Variants in LARGE1 observed in about 807,000 individuals in gnomAD.
The protein encoded by LARGE1 is xylosyl- and glucuronyltransferase LARGE1.
Under a neutral mutation model 87.6 loss-of-function variants are expected in LARGE1, and 43 were observed. The observed-to-expected ratio is 0.49, with a 90% CI of 0.38 to 0.63. The LOEUF (loss-of-function observed/expected upper bound fraction) is 0.63, where lower values mean the gene tolerates loss of function less well. LARGE1 is among the 30% of genes least tolerant of loss of function. LARGE1 has a pLI of 0.00. For missense variants in LARGE1, 802 were observed against 1,000.2 expected (o/e 0.80, Z 2.67); for synonymous variants, 434 against 394.6 (o/e 1.10, Z -1.18).
chr22:33,542,412 C>T (rs962026748), intron 6 of LARGE1, among the ~76,000 whole-genome samples: 55 of 151,694 alleles, frequency 3.6e-4, no homozygotes, highest in African/African-American at 1.3e-3. Context: ...TGTTTCATGC[C>T]GGATATAAAC....
At chr22:33,866,232 T>C (rs2064099528) in intron 1 of LARGE1, among the ~76,000 whole-genome samples, 1 of 152,160 alleles carries the variant, frequency 6.6e-6, no homozygotes, top group Admixed American at 6.5e-5. Flanking sequence ...CCTAAAGCAC[T>C]GGGATTATAG....
the LARGE1 span, among the ~76,000 whole-genome samples, chr22:33,101,928 G>A: frequency 3.9e-5 from 6 of 152,294 alleles, no homozygotes; most frequent in East Asian, 5.8e-4. Context: ...ACTGAAAGCA[G>A]TGCTTTTAAA....
At chr22:33,346,740 A>T (rs1490603170) in intron 9 of LARGE1, among the ~76,000 whole-genome samples, 1 of 152,092 alleles carries the variant, frequency 6.6e-6, no homozygotes, top group Non-Finnish European at 1.5e-5. Flanking sequence ...TTCCTAACAG[A>T]ACACTAACTT....
At chr22:33,351,163 C>G (rs964591409) in intron 9 of LARGE1, among the ~76,000 whole-genome samples, 2 of 152,200 alleles carry the variant, frequency 1.3e-5, no homozygotes, top group East Asian at 3.8e-4. Context: ...GTGTCTAGCT[C>G]ATAGCAAGTG....
rs904894596 is a variant in LARGE1 at position 33,804,286 on chromosome 22, G to A, written c.-82-42728C>T. On this transcript the variant is annotated intron_variant, in intron 1 of 14. Coordinates refer to ENST00000397394, the MANE Select transcript of LARGE1 (RefSeq NM_133642.5). ...ATATAATAAATCTCCAACATTGAACGCAGACTTGATCTCTAATAGCCAACG... is the reference window on the plus strand; with the variant it reads ...ATATAATAAATCTCCAACATTGAACACAGACTTGATCTCTAATAGCCAACG... Among the ~76,000 whole-genome samples, 18 of 152,120 alleles carry A rather than the reference G, an allele frequency of 1.2e-4. 1 individual carries two copies. The highest frequency in any genetic ancestry group is 6.2e-4 in the South Asian group (3 of 4,820).
At chr22:33,411,221 A>G (rs2066294802) in intron 7 of LARGE1, among the ~76,000 whole-genome samples, 2 of 152,194 alleles carry the variant, frequency 1.3e-5, no homozygotes, top group Admixed American at 6.5e-5. Flanking sequence ...TGTAAATACT[A>G]AGCCAGGTCA....
At chr22:33,377,944 T>A (rs1399636897) in intron 9 of LARGE1, among the ~76,000 whole-genome samples, 3 of 152,210 alleles carry the variant, frequency 2.0e-5, no homozygotes, top group Admixed American at 6.5e-5. Context: ...TATTCCTTCA[T>A]CCTACTTTCA....
intron 6 of LARGE1, among the ~76,000 whole-genome samples, chr22:33,542,723 G>C (rs1303005269): frequency 6.6e-6 from 1 of 151,660 alleles, no homozygotes; most frequent in Admixed American, 6.6e-5. Flanking sequence ...ATTTGCATCA[G>C]ATCCATAGAC....
intron 1 of LARGE1, among the ~76,000 whole-genome samples, chr22:33,897,871 C>A (rs570478217): frequency 6.6e-6 from 1 of 152,218 alleles, no homozygotes; most frequent in East Asian, 1.9e-4. Flanking sequence ...GCAGCCATTA[C>A]TCTCTGTGCC....
chr22:33,127,706 A>T, the LARGE1 span, among the ~76,000 whole-genome samples: 1 of 152,226 alleles, frequency 6.6e-6, no homozygotes, highest in Non-Finnish European at 1.5e-5. Flanking sequence ...ATGGGTAATA[A>T]TAAGGAGGGT....
intron 10 of LARGE1, among the ~76,000 whole-genome samples, chr22:33,324,351 A>G (rs1022296346): frequency 7.0e-6 from 1 of 142,646 alleles, no homozygotes; most frequent in Non-Finnish European, 1.5e-5. Context: ...CCTCCTTTTC[A>G]CCCAGGGTTT....
chr22:33,470,692 C>T (rs748256744), intron 6 of LARGE1, among the ~76,000 whole-genome samples: 7 of 152,212 alleles, frequency 4.6e-5, no homozygotes, highest in Non-Finnish European at 8.8e-5. Context: ...TTCCTCTACA[C>T]GGACCTTGAC....
rs940574446 is a variant in LARGE1, at chr22:33,577,819, A to T, written c.616-12800T>A. ...GAGGATGATCCAGAGTTGTCCCTTT[A>T]TTAATTTCTGATTGGTTTAAAAACT... On this transcript the variant is annotated intron_variant, in intron 5 of 14. Transcript: ENST00000397394. Among the ~76,000 whole-genome samples, 99 of 152,218 alleles carry T rather than the reference A, an allele frequency of 6.5e-4. 2 individuals carry two copies. Among genetic ancestry groups the T allele is most frequent in the Admixed American group, 2.1e-3 (32 of 15,280 alleles).
At chr22:33,303,351 C>A (rs775831060) in intron 12 of LARGE1, among the ~76,000 whole-genome samples, 2 of 152,138 alleles carry the variant, frequency 1.3e-5, no homozygotes, top group Non-Finnish European at 2.9e-5. Context: ...AGATGAGTAA[C>A]CCCGGGCCAA....
At chr22:33,858,854 T>C (rs1253004440) in intron 1 of LARGE1, among the ~76,000 whole-genome samples, 1 of 152,192 alleles carries the variant, frequency 6.6e-6, no homozygotes, top group Non-Finnish European at 1.5e-5. Flanking sequence ...CGGAATACTA[T>C]GCAGCCATAA....
chr22:33,310,225 C>G (rs997020019), intron 11 of LARGE1, among the ~76,000 whole-genome samples: 1 of 152,190 alleles, frequency 6.6e-6, no homozygotes, highest in African/African-American at 2.4e-5. Flanking sequence ...GAGAGTAGGG[C>G]TCTGTGAGCC....
At chr22:33,466,234 T>A (rs888135919) in intron 6 of LARGE1, among the ~76,000 whole-genome samples, 1 of 152,156 alleles carries the variant, frequency 6.6e-6, no homozygotes, top group East Asian at 1.9e-4. Flanking sequence ...CAGCTTGAAT[T>A]TCTCCTCCTT....
chr22:33,243,991 T>C (rs915792203), intron 11 of LARGE1, among the ~76,000 whole-genome samples: 5 of 152,126 alleles, frequency 3.3e-5, no homozygotes, highest in African/African-American at 7.2e-5. Flanking sequence ...TTTTTTGTTT[T>C]GTTTTGTTTT....
intron 2 of LARGE1, among the ~76,000 whole-genome samples, chr22:33,656,604 T>C (rs2080967487): frequency 6.6e-6 from 1 of 152,134 alleles, no homozygotes; most frequent in African/African-American, 2.4e-5. Context: ...GTAAGTGCCT[T>C]TACCTTTGTT....
Sources: allele counts gnomAD v4.1 joint callset (sites outside exome capture counted in the v4.1 genomes callset), GRCh38; gene constraint gnomAD v4.1.1; transcripts MANE v1.5; gene names NCBI Gene and HGNC (gene_info 2026-07-23, HGNC 2026-07-21).